ABLIM1: variants seen among roughly 807,000 people sequenced by gnomAD.
The protein encoded by ABLIM1 is actin-binding LIM protein 1.
ABLIM1 carries 40 observed loss-of-function variants against 107.0 expected under a neutral mutation model. The observed-to-expected ratio is 0.37, with a 90% CI of 0.29 to 0.49. The LOEUF (loss-of-function observed/expected upper bound fraction) is 0.49, where lower values mean the gene tolerates loss of function less well. Among genes scored for constraint, ABLIM1 ranks in the 20% least tolerant of loss-of-function variants. The pLI is 0.97. For missense variants in ABLIM1, 857 were observed against 1,008.5 expected, an observed-to-expected ratio of 0.85 and a Z score of 2.04; for synonymous variants, 357 against 357.3, an observed-to-expected ratio of 1.00 and a Z score of 0.01.
At chr10:114,589,107 A>C (rs539211372) in intron 2 of ABLIM1, among the ~76,000 whole-genome samples, 3 of 152,272 alleles carry the variant, frequency 2.0e-5, no homozygotes, top group African/African-American at 7.2e-5. Context: ...AAAAGTTTTA[A>C]AAACACAAAT....
At position 114,641,878 on chromosome 10, in the gene ABLIM1, G is replaced by GTTGTTTTGTTTTGTT. The variant is rs554920018; in HGVS notation, c.244+16064_244+16078dup. Among the ~76,000 whole-genome samples the GTTGTTTTGTTTTGTT allele has an allele frequency of 2.7e-3, 405 of 151,848 alleles. 3 individuals are homozygous for GTTGTTTTGTTTTGTT. The highest frequency in any genetic ancestry group is 8.7e-3 in the African/African-American group (360 of 41,290). On this transcript the variant is annotated intron_variant, in intron 1 of 22. Coordinates refer to ENST00000533213, the MANE Select transcript of ABLIM1 (RefSeq NM_002313.7). ...TAAAGGGCCTTGGCTTTTCCCCTAA[G>GTTGTTTTGTTTTGTT]TTGTTTTGTTTTGTTTTGTTTTGAG...
intron 1 of ABLIM1, among the ~76,000 whole-genome samples, chr10:114,608,684 TAAACAAAC>T (rs201895565): frequency 6.7e-6 from 1 of 149,928 alleles, no homozygotes; most frequent in Non-Finnish European, 1.5e-5. Context: ...AATAAATAAA[TAAACAAAC>T]AAACAAACAA....
intron 1 of ABLIM1, among the ~76,000 whole-genome samples, chr10:114,664,487 CTT>C (rs1336764932): frequency 6.6e-6 from 1 of 152,050 alleles, no homozygotes; most frequent in Non-Finnish European, 1.5e-5. Flanking sequence ...TTAATGATCT[CTT>C]TTAATTTTCT....
At chr10:114,563,140 T>C (rs1047080984) in intron 4 of ABLIM1, among the ~76,000 whole-genome samples, 2 of 152,240 alleles carry the variant, frequency 1.3e-5, no homozygotes, top group Admixed American at 1.3e-4. Context: ...ACCGTGTACA[T>C]GTCTGTAGCA....
intron 1 of ABLIM1, among the ~76,000 whole-genome samples, chr10:114,743,736 G>C (rs2082330308): frequency 6.6e-6 from 1 of 152,148 alleles, no homozygotes; most frequent in African/African-American, 2.4e-5. Flanking sequence ...GTCAGCTGTG[G>C]CTGCCTCCTG....
intron 1 of ABLIM1, among the ~76,000 whole-genome samples, chr10:114,706,276 G>A (rs1193104715): frequency 1.3e-5 from 2 of 152,230 alleles, no homozygotes; most frequent in Non-Finnish European, 2.9e-5. Flanking sequence ...TCCTAGGACA[G>A]ACTTTGTAGC....
chr10:114,772,534 G>A (rs1000876434), upstream of ABLIM1, among the ~76,000 whole-genome samples: 2 of 152,198 alleles, frequency 1.3e-5, no homozygotes, highest in South Asian at 4.1e-4. Context: ...TGGAGCCCAG[G>A]AGATTGAGGC....
At chr10:114,757,714 T>A (rs2082662376) in intron 1 of ABLIM1, among the ~76,000 whole-genome samples, 1 of 152,226 alleles carries the variant, frequency 6.6e-6, no homozygotes, top group Admixed American at 6.5e-5. Flanking sequence ...TCTTCTTGCT[T>A]CCACCCTTGC....
rs188864223 is a variant in ABLIM1, at chr10:114,593,843, A to G, written c.379+7984T>C. ...AAGACCTTACCCTGTTCCAGTTTGG[A>G]ATTCAAAACCTAAATGTTTTAAAAA... On this transcript the variant is annotated intron_variant, in intron 2 of 22. Coordinates refer to ENST00000533213, the MANE Select transcript of ABLIM1 (RefSeq NM_002313.7). Among the ~76,000 whole-genome samples the G allele has an allele frequency of 5.9e-5, 9 of 152,352 alleles. No homozygotes were observed. The East Asian group carries it at 1.7e-3, about 29-fold the overall frequency.
rs149419975 is a variant in ABLIM1 at position 114,436,082 on chromosome 10, T to C, written c.*178A>G. The C allele has an allele frequency of 1.9e-3, 1,103 of 586,256 alleles. 6 individuals carry two copies. Among genetic ancestry groups the C allele is most frequent in the East Asian group, 9.6e-3 (343 of 35,814 alleles). The allele number at this position is 586,256 out of a possible 1,614,324, so 36.3% of individuals were successfully genotyped here. A position where few individuals can be genotyped will look rare whatever the true frequency, so the allele number is the denominator to read the frequency against. ...TTTCTACGCCATGCTTCTTGGCAAG[T>C]GTTACTGTTGGCTGGCCCGACATTT... On this transcript the variant is annotated 3_prime_UTR_variant, in exon 23 of 23. Coordinates refer to ENST00000533213, the MANE Select transcript of ABLIM1 (RefSeq NM_002313.7).
chr10:114,589,217 G>T (rs2497657), intron 2 of ABLIM1, among the ~76,000 whole-genome samples: 89,334 of 135,798 alleles, frequency 0.66, 29,590 homozygotes, highest in Middle Eastern at 0.75. Context: ...GTGTGTGTGT[G>T]TTTTTTTTTT....
chr10:114,515,067 G>C (rs1423796151), intron 6 of ABLIM1, among the ~76,000 whole-genome samples: 2 of 152,226 alleles, frequency 1.3e-5, no homozygotes, highest in Non-Finnish European at 2.9e-5. Context: ...CAGGGGATGG[G>C]TGAGAAGGAG....
chr10:114,548,613 A>G (rs2067658838), intron 4 of ABLIM1, among the ~76,000 whole-genome samples: 1 of 152,244 alleles, frequency 6.6e-6, no homozygotes, highest in Non-Finnish European at 1.5e-5. Context: ...ATTTGCTGTT[A>G]TTACAATTGC....
chr10:114,469,692 C>A (rs1459918246), intron 10 of ABLIM1, among the ~76,000 whole-genome samples: 1 of 152,224 alleles, frequency 6.6e-6, no homozygotes, highest in Non-Finnish European at 1.5e-5. Context: ...CCACGTGATG[C>A]CACAAGCTCC....
intron 20 of ABLIM1, 75 bp downstream of exon 20, chr10:114,440,007 G>T: frequency 6.2e-7 from 1 of 1,611,140 alleles, no homozygotes; most frequent in Non-Finnish European, 8.5e-7. Context: ...CTGTTGCCTT[G>T]GAGCCAGCAG....
intron 1 of ABLIM1, among the ~76,000 whole-genome samples, chr10:114,705,359 C>T (rs1203022883): frequency 2.0e-5 from 3 of 152,112 alleles, no homozygotes; most frequent in African/African-American, 7.2e-5. Flanking sequence ...GGCATCATTC[C>T]ATATCCTAAA....
chr10:114,651,001 C>T (rs2079215163), intron 1 of ABLIM1, among the ~76,000 whole-genome samples: 1 of 152,182 alleles, frequency 6.6e-6, no homozygotes, highest in Non-Finnish European at 1.5e-5. Context: ...TATTAAGTCA[C>T]TTGCCCAGGT....
chr10:114,477,541 C>G (rs991617787), intron 8 of ABLIM1, among the ~76,000 whole-genome samples: 10 of 152,144 alleles, frequency 6.6e-5, no homozygotes, highest in Admixed American at 5.9e-4. Context: ...TAATGATGCA[C>G]CTGGGGATGG....
At chr10:114,601,358 G>A (rs143472208) in intron 2 of ABLIM1, among the ~76,000 whole-genome samples, 1,602 of 151,176 alleles carry the variant, frequency 0.011, 17 homozygotes, top group Non-Finnish European at 0.018. Flanking sequence ...TCTGCCTCCC[G>A]GGTTCAAGCG....
Sources: gnomAD v4.1 joint callset for allele counts (sites outside exome capture counted in the v4.1 genomes callset) on GRCh38, gnomAD v4.1.1 for gene constraint, MANE v1.5 for transcripts, NCBI Gene and HGNC (gene_info 2026-07-23, HGNC 2026-07-21) for gene names.